Variants in UBE2E2 observed in about 807,000 individuals in gnomAD.
The protein encoded by UBE2E2 is ubiquitin-conjugating enzyme E2 E2.
Under a neutral mutation model 24.7 loss-of-function variants are expected in UBE2E2, and 6 were observed. The observed-to-expected ratio is 0.24, with a 90% CI of 0.13 to 0.48. The LOEUF (loss-of-function observed/expected upper bound fraction) is 0.48, where lower values mean the gene tolerates loss of function less well. UBE2E2 is among the 20% of genes least tolerant of loss of function. The pLI is 0.99. For synonymous variants in UBE2E2, 104 were observed against 83.6 expected (o/e 1.24, Z -1.33); for missense variants, 169 against 245.0 (o/e 0.69, Z 2.07).
intron 5 of UBE2E2, among the ~76,000 whole-genome samples, chr3:23,572,629 T>G (rs2125513454): frequency 6.6e-6 from 1 of 152,286 alleles, no homozygotes; most frequent in South Asian, 2.1e-4. Context: ...AGTGAGACAA[T>G]GCAGTATTTG....
At chr3:23,218,984 G>C (rs924667413) in intron 3 of UBE2E2, among the ~76,000 whole-genome samples, 4 of 152,094 alleles carry the variant, frequency 2.6e-5, no homozygotes, top group African/African-American at 9.7e-5. Context: ...GTGTATTACA[G>C]GTTTTAATTT....
At chr3:23,527,578 C>G (rs1695028223) in intron 4 of UBE2E2, among the ~76,000 whole-genome samples, 1 of 152,184 alleles carries the variant, frequency 6.6e-6, no homozygotes, top group Non-Finnish European at 1.5e-5. Context: ...TGGTTGCCAT[C>G]ATGTCACAAT....
At chr3:23,332,718 T>TGTGTGCGC (rs1491331498) in intron 3 of UBE2E2, among the ~76,000 whole-genome samples, 74 of 148,368 alleles carry the variant, frequency 5.0e-4, no homozygotes, top group South Asian at 8.6e-4. Context: ...TGTGTGTGTG[T>TGTGTGCGC]GCAGCTATGG....
At chr3:23,555,551 A>G (rs1031794256) in intron 5 of UBE2E2, among the ~76,000 whole-genome samples, 2 of 152,176 alleles carry the variant, frequency 1.3e-5, no homozygotes, top group African/African-American at 4.8e-5. Flanking sequence ...TCATATAGAT[A>G]CCTGCACTCT....
intron 3 of UBE2E2, among the ~76,000 whole-genome samples, chr3:23,298,651 G>T (rs1698981714): frequency 6.6e-6 from 1 of 151,688 alleles, no homozygotes. Flanking sequence ...CTTGATCATG[G>T]TGGATAAGCT....
At chr3:23,399,277 A>T (rs9834737) in intron 3 of UBE2E2, among the ~76,000 whole-genome samples, 1 of 152,112 alleles carries the variant, frequency 6.6e-6, no homozygotes, top group Non-Finnish European at 1.5e-5. Flanking sequence ...TGCCAGCATC[A>T]TTTGCACTTT....
At chr3:23,333,076 A>G (rs981142131) in intron 3 of UBE2E2, among the ~76,000 whole-genome samples, 2 of 152,128 alleles carry the variant, frequency 1.3e-5, no homozygotes, top group African/African-American at 4.8e-5. Flanking sequence ...TGATATCTCT[A>G]TATTGGTTCT....
At chr3:23,281,024 C>G (rs900835501) in intron 3 of UBE2E2, among the ~76,000 whole-genome samples, 1 of 152,156 alleles carries the variant, frequency 6.6e-6, no homozygotes, top group Non-Finnish European at 1.5e-5. Context: ...GAAAGAAAGA[C>G]CTTGTGTCTC....
intron 3 of UBE2E2, among the ~76,000 whole-genome samples, chr3:23,465,769 A>G (rs181191905): frequency 6.2e-4 from 95 of 152,338 alleles, no homozygotes; most frequent in African/African-American, 2.2e-3. Flanking sequence ...TGTTTAAAGA[A>G]TTAAGCCATT....
intron 3 of UBE2E2, among the ~76,000 whole-genome samples, chr3:23,411,347 C>T (rs1305796123): frequency 1.3e-5 from 2 of 152,168 alleles, no homozygotes; most frequent in African/African-American, 4.8e-5. Flanking sequence ...GCCTCCACAT[C>T]TGCTGGTCTT....
intron 3 of UBE2E2, among the ~76,000 whole-genome samples, chr3:23,417,551 G>A (rs1697671375): frequency 6.6e-6 from 1 of 152,224 alleles, no homozygotes; most frequent in Admixed American, 6.5e-5. Flanking sequence ...CACTTGAGGA[G>A]GCGGTCTGTC....
chr3:23,503,207 T>TGTTTTC (rs1196438148), intron 4 of UBE2E2, among the ~76,000 whole-genome samples: 1 of 152,040 alleles, frequency 6.6e-6, no homozygotes, highest in African/African-American at 2.4e-5. Context: ...TTTTTGTTTT[T>TGTTTTC]TGAGATAGAG....
intron 3 of UBE2E2, among the ~76,000 whole-genome samples, chr3:23,412,774 G>T (rs1474401378): frequency 1.3e-5 from 2 of 152,134 alleles, no homozygotes; most frequent in Non-Finnish European, 1.5e-5. Flanking sequence ...CTGGGAACTT[G>T]TTAGGAATGT....
At chr3:23,548,294 C>T (rs1695568613) in intron 5 of UBE2E2, among the ~76,000 whole-genome samples, 1 of 152,192 alleles carries the variant, frequency 6.6e-6, no homozygotes, top group Admixed American at 6.5e-5. Flanking sequence ...ATTTTTCTTA[C>T]TCCTCTTTGT....
chr3:23,365,774 T>A (rs990534592), intron 3 of UBE2E2, among the ~76,000 whole-genome samples: 1 of 152,186 alleles, frequency 6.6e-6, no homozygotes, highest in Admixed American at 6.5e-5. Context: ...TTTAAATTCG[T>A]ATGGAACCAA....
intron 3 of UBE2E2, among the ~76,000 whole-genome samples, chr3:23,365,800 G>C (rs575832659): frequency 7.8e-4 from 119 of 152,248 alleles, no homozygotes; most frequent in Middle Eastern, 6.8e-3. Flanking sequence ...AGCCTGAATA[G>C]CCAAAGCAGT....
At chr3:23,330,626 A>G (rs1382434776) in intron 3 of UBE2E2, among the ~76,000 whole-genome samples, 1 of 152,236 alleles carries the variant, frequency 6.6e-6, no homozygotes, top group African/African-American at 2.4e-5. Context: ...TATGGAGAGA[A>G]TTCACATGAC....
At chr3:23,430,258 T>C (rs1189665241) in intron 3 of UBE2E2, among the ~76,000 whole-genome samples, 1 of 152,192 alleles carries the variant, frequency 6.6e-6, no homozygotes, top group East Asian at 1.9e-4. Context: ...AATGGTCATA[T>C]GATTTGTGAA....
In UBE2E2 at chr3:23,529,482, A is replaced by C. The variant is rs191961543; in HGVS notation, c.361-3072A>C. Among the ~76,000 whole-genome samples, 7 of 152,354 alleles carry C rather than the reference A, an allele frequency of 4.6e-5. No homozygotes were observed. The East Asian group carries it at 7.7e-4, about 17-fold the overall frequency. ...AAATTTTTAACGAAAGAACAGAGGC[A>C]TTGATGCTGAGAGACAAACCGTAGG... On this transcript the variant is annotated intron_variant, in intron 4 of 5. Coordinates refer to ENST00000396703, the MANE Select transcript of UBE2E2 (RefSeq NM_152653.4).
Sources: allele counts gnomAD v4.1 joint callset (sites outside exome capture counted in the v4.1 genomes callset), GRCh38; gene constraint gnomAD v4.1.1; transcripts MANE v1.5; gene names NCBI Gene and HGNC (gene_info 2026-07-23, HGNC 2026-07-21).